The following FGD3 variants were observed in gnomAD, a reference collection of about 807,000 sequenced individuals.
FGD3 encodes the protein FYVE, RhoGEF and PH domain containing 3.
Under a neutral mutation model 71.8 loss-of-function variants are expected in FGD3, and 45 were observed. That is an observed-to-expected ratio of 0.63 (90% confidence interval 0.49 to 0.80). The LOEUF (loss-of-function observed/expected upper bound fraction) is 0.80. Ranked by LOEUF, FGD3 falls within the 30% of genes least tolerant of loss-of-function variation. The pLI is 0.00. For synonymous variants in FGD3, 378 were observed against 392.8 expected (o/e 0.96, Z 0.44); for missense variants, 844 against 951.5 (o/e 0.89, Z 1.49).
chr9:93,018,193 AG>A lies in FGD3; in HGVS notation c.1335del (p.Arg445SerfsTer65). The A allele has an allele frequency of 6.2e-7, 1 of 1,614,080 alleles. No individual in the cohort carries two copies. The highest frequency in any genetic ancestry group is 8.5e-7 in the Non-Finnish European group (1 of 1,179,948). On this transcript the variant is annotated frameshift_variant, in exon 11 of 18. Coordinates refer to ENST00000375482, the MANE Select transcript of FGD3 (RefSeq NM_001083536.2). LOFTEE classifies it high-confidence loss of function. ...AHTFIITGRK[R>X]SLELQTRTEE... is the part of the protein sequence containing the mutation. ...TACATTCATCATAACAGGAAGAAAA[AG>A]GTCCCTGGAGCTGCAGACGCGGTAT...
intron 8 of FGD3, among the ~76,000 whole-genome samples, chr9:93,012,441 C>G (rs1249053003): frequency 6.6e-6 from 1 of 152,094 alleles, no homozygotes; most frequent in East Asian, 1.9e-4. Flanking sequence ...CATGTGTTAC[C>G]ATGGAACTCA....
At chr9:92,956,752 C>T (rs1859057005) in intron 1 of FGD3, among the ~76,000 whole-genome samples, 1 of 152,056 alleles carries the variant, frequency 6.6e-6, no homozygotes, top group Admixed American at 6.6e-5. Context: ...GTTCTGACTT[C>T]AGAAACTAGT....
At chr9:92,965,616 T>C (rs1313533641) in intron 1 of FGD3, among the ~76,000 whole-genome samples, 1 of 152,160 alleles carries the variant, frequency 6.6e-6, no homozygotes, top group Non-Finnish European at 1.5e-5. Context: ...CGAGGCCGAG[T>C]GCCCTGCACA....
chr9:93,010,117 C>T, intron 6 of FGD3, 129 bp from the exon 7 acceptor site: 1 of 1,126,846 alleles, frequency 8.9e-7, no homozygotes, highest in Non-Finnish European at 1.3e-6. Context: ...TCAGCCATGT[C>T]TTGAAGGACA....
Position 93,006,260 on chromosome 9 carries a change from G to A in FGD3, c.837+80G>A, listed in dbSNP as rs992474318. 9.0e-5 allele frequency: 114 copies of A among 1,273,482 alleles called. No homozygotes were observed. The African/African-American group carries it at 1.4e-3, about 16-fold the overall frequency. 78.9% of individuals were successfully genotyped at this position (1,273,482 alleles called of 1,614,324 possible). A position where few individuals can be genotyped will look rare whatever the true frequency, so the allele number is the denominator to read the frequency against. On this transcript the variant is annotated intron_variant, in intron 6 of 17. Coordinates refer to ENST00000375482, the MANE Select transcript of FGD3 (RefSeq NM_001083536.2). ...GGTGTTTTATTTTTTAAAAACATAT[G>A]TATATATGTATATTTTACTCCAAAA...
rs1862559556 is a variant in FGD3, at chr9:93,035,439, G to C, written c.2028G>C (p.Trp676Cys). 6.2e-7 allele frequency: 1 copy of C among 1,612,652 alleles called. No individual in the cohort carries two copies. The highest frequency in any genetic ancestry group is 1.7e-5 in the Admixed American group (1 of 59,884). ...LDSGHVWKLQWAKQSWYLSAS... is the reference protein window; with the variant it reads ...LDSGHVWKLQCAKQSWYLSAS... ...CGGGGCATGTGTGGAAGCTGCAGTG[G>C]GCCAAGCAGTCCTGGTACCTGAGCG... is the stretch of plus-strand genomic sequence containing the variant. The change falls in exon 18 of 18, where the codon TGG (tryptophan) becomes TGC (cysteine). Residue 676 changes from tryptophan (W) to cysteine (C), a missense_variant. By Grantham distance (215) the Trp-to-Cys change is radical (BLOSUM62 -2). Transcript: ENST00000375482.
chr9:93,035,474 C>A lies in FGD3; in HGVS notation c.2063C>A (p.Ala688Glu). 6.2e-7 allele frequency: 1 copy of A among 1,613,598 alleles called. No homozygotes were observed. Among genetic ancestry groups the A allele is most frequent in the Non-Finnish European group, 8.5e-7 (1 of 1,179,992 alleles). Residue 688 changes from alanine to glutamate, a missense_variant, in exon 18 of 18, where the codon GCA becomes GAA. Transcript: ENST00000375482. ...KQSWYLSASS[A>E]ELQQQWLETL... ...TCCTGGTACCTGAGCGCCTCCTCCG[C>A]AGAGCTGCAGCAGCAGTGGCTGGAA...
chr9:92,960,229 T>A (rs1859144998), intron 1 of FGD3, among the ~76,000 whole-genome samples: 1 of 152,010 alleles, frequency 6.6e-6, no homozygotes, highest in Admixed American at 6.6e-5. Context: ...CATGCTCTCA[T>A]GTCCCAAAAT....
chr9:92,958,908 T>C (rs765537133), intron 1 of FGD3, among the ~76,000 whole-genome samples: 24 of 152,238 alleles, frequency 1.6e-4, no homozygotes, highest in Admixed American at 7.9e-4. Context: ...TTTCCATTGA[T>C]TTATCCTTAT....
In FGD3 at chr9:92,969,780, C is replaced by T. The variant is rs564540475; in HGVS notation, c.-217-5458C>T. Reference sequence around the variant, plus strand: ...GACCAGCCCTGCCTATCTGGGGGACCGCTGCACTGTGGAGGGACACGGGGC... The same window carrying T: ...GACCAGCCCTGCCTATCTGGGGGACTGCTGCACTGTGGAGGGACACGGGGC... On this transcript the variant is annotated intron_variant, in intron 1 of 17. Coordinates refer to ENST00000375482, the MANE Select transcript of FGD3 (RefSeq NM_001083536.2). This position sits in a 1 kb window ranked among gnomAD's most constrained non-coding sequence, Gnocchi z 4.5. 1.4e-4 allele frequency among the ~76,000 whole-genome samples: 22 copies of T among 152,316 alleles called. No individual in the cohort carries two copies. The highest frequency in any genetic ancestry group is 5.3e-4 in the African/African-American group (22 of 41,556).
chr9:92,985,598 C>G (rs1367695443), intron 3 of FGD3, among the ~76,000 whole-genome samples: 1 of 152,204 alleles, frequency 6.6e-6, no homozygotes, highest in African/African-American at 2.4e-5. Context: ...CCTGCCTCAG[C>G]CTCCCAAGTA....
At chr9:92,965,933 T>C (rs1030587388) in intron 1 of FGD3, among the ~76,000 whole-genome samples, 1 of 152,132 alleles carries the variant, frequency 6.6e-6, no homozygotes, top group Non-Finnish European at 1.5e-5. Context: ...AGACTGGGCT[T>C]GTGGAACAAG....
chr9:92,995,462 T>G (rs1860599906), intron 3 of FGD3, among the ~76,000 whole-genome samples: 1 of 152,202 alleles, frequency 6.6e-6, no homozygotes, highest in Non-Finnish European at 1.5e-5. Flanking sequence ...TGAATATGCT[T>G]TATTTCTTTC....
chr9:92,955,789 T>C (rs1859040540), intron 1 of FGD3, among the ~76,000 whole-genome samples: 1 of 152,202 alleles, frequency 6.6e-6, no homozygotes, highest in African/African-American at 2.4e-5. Context: ...AATTTTGTCA[T>C]TTTGAGAATG....
intron 13 of FGD3, among the ~76,000 whole-genome samples, chr9:93,021,021 A>T (rs911584191): frequency 6.6e-6 from 1 of 152,184 alleles, no homozygotes; most frequent in Non-Finnish European, 1.5e-5. Flanking sequence ...GGTATGTTAC[A>T]TCATCCCCAC....
chr9:92,950,334 T>C (rs1282602624), intron 1 of FGD3, among the ~76,000 whole-genome samples: 1 of 151,864 alleles, frequency 6.6e-6, no homozygotes, highest in Non-Finnish European at 1.5e-5. Flanking sequence ...GGAGAATGGC[T>C]TGAACCCGGG....
rs1212550335 is a variant in FGD3, at chr9:92,975,423, C to T, written c.-50+18C>T. ...GGCATCAGGTATGGGGATAAGTGAC[C>T]GCCACTTGCAGCCCCTAGGCTCCTC... On this transcript the variant is annotated intron_variant, in intron 2 of 17. Transcript: ENST00000375482. The T allele has an allele frequency of 6.6e-6, 1 of 152,190 alleles. No homozygotes were observed. The highest frequency in any genetic ancestry group is 1.5e-5 in the Non-Finnish European group (1 of 68,080). The allele number at this position is 152,190 out of a possible 1,614,324, so 9.4% of individuals were successfully genotyped here.
At chr9:92,953,951 CAA>C (rs1859003947) in intron 1 of FGD3, among the ~76,000 whole-genome samples, 1 of 152,166 alleles carries the variant, frequency 6.6e-6, no homozygotes, top group Non-Finnish European at 1.5e-5. Context: ...TTTCACTGGG[CAA>C]TAGTTCCCGG....
chr9:92,999,102 G>A (rs922584065), intron 3 of FGD3, among the ~76,000 whole-genome samples: 1 of 152,186 alleles, frequency 6.6e-6, no homozygotes, highest in Non-Finnish European at 1.5e-5. Context: ...AGGCTTCCTT[G>A]AGCTGTGGTG....
Sources: gnomAD v4.1 joint callset for allele counts (sites outside exome capture counted in the v4.1 genomes callset) on GRCh38, gnomAD v4.1.1 for gene constraint, Gnocchi (gnomAD v3.1) non-coding constraint, MANE v1.5 for transcripts, NCBI Gene and HGNC (gene_info 2026-07-23, HGNC 2026-07-21) for gene names.